The following CSMD1 variants were observed in gnomAD, a reference collection of about 807,000 sequenced individuals.
CSMD1 encodes CUB and Sushi multiple domains 1.
Under a neutral mutation model 417.5 loss-of-function variants are expected in CSMD1, and 213 were observed. The ratio of observed to expected loss-of-function variants is 0.51; its 90% CI spans 0.46 to 0.57. CSMD1 has a LOEUF of 0.57. Among genes scored for constraint, CSMD1 ranks in the 20% least tolerant of loss-of-function variants. CSMD1 has a pLI of 0.00. For missense variants in CSMD1, 6,923 were observed against 4,529.7 expected (o/e 1.53, Z -15.17); for synonymous variants, 2,862 against 1,736.8 (o/e 1.65, Z -16.11).
At chr8:4,954,736 G>C (rs1808975970) in intron 1 of CSMD1, among the ~76,000 whole-genome samples, 1 of 152,092 alleles carries the variant, frequency 6.6e-6, no homozygotes, top group African/African-American at 2.4e-5. Context: ...GCAGAGACTG[G>C]AGGATAAGAG....
intron 7 of CSMD1, among the ~76,000 whole-genome samples, chr8:3,625,128 C>T (rs1796434072): frequency 6.6e-6 from 1 of 151,886 alleles, no homozygotes. Flanking sequence ...CTAGCAGTAG[C>T]TGTTTTTTCT....
chr8:3,995,056 G>T (rs17068459), intron 5 of CSMD1, among the ~76,000 whole-genome samples: 3 of 152,128 alleles, frequency 2.0e-5, no homozygotes, highest in Admixed American at 6.5e-5. Flanking sequence ...CGGGAATGGG[G>T]AAACCTTTTA....
chr8:4,777,281 T>C (rs1796902508), intron 1 of CSMD1, among the ~76,000 whole-genome samples: 3 of 152,246 alleles, frequency 2.0e-5, no homozygotes, highest in South Asian at 4.2e-4. Context: ...AACAATTAAG[T>C]CTAATTGACT....
chr8:4,764,373 T>C (rs1371715133), intron 1 of CSMD1, among the ~76,000 whole-genome samples: 1 of 152,194 alleles, frequency 6.6e-6, no homozygotes, highest in Non-Finnish European at 1.5e-5. Context: ...GGAGCAATCA[T>C]GAGATTAATA....
At chr8:4,531,717 G>C (rs1563261811) in intron 2 of CSMD1, among the ~76,000 whole-genome samples, 2 of 152,134 alleles carry the variant, frequency 1.3e-5, no homozygotes, top group African/African-American at 2.4e-5. Context: ...TAACAGCTTT[G>C]AGATACAATT....
chr8:2,983,760 T>C (rs1805622641), intron 54 of CSMD1, among the ~76,000 whole-genome samples: 1 of 152,234 alleles, frequency 6.6e-6, no homozygotes, highest in African/African-American at 2.4e-5. Context: ...CCTAACTTCT[T>C]ATTTTTGTAG....
At chr8:3,871,391 T>C (rs1229697727) in intron 5 of CSMD1, among the ~76,000 whole-genome samples, 2 of 152,256 alleles carry the variant, frequency 1.3e-5, no homozygotes, top group East Asian at 1.9e-4. Flanking sequence ...AAAACTTGCA[T>C]TGGTTTCTTC....
intron 4 of CSMD1, among the ~76,000 whole-genome samples, chr8:4,016,043 T>C (rs1009636109): frequency 1.3e-5 from 2 of 152,142 alleles, no homozygotes; most frequent in Non-Finnish European, 2.9e-5. Flanking sequence ...ACATCTAAGC[T>C]CTCAGAGAAT....
chr8:4,732,117 C>G, intron 1 of CSMD1, among the ~76,000 whole-genome samples: 1 of 152,094 alleles, frequency 6.6e-6, no homozygotes, highest in East Asian at 1.9e-4. Flanking sequence ...TCACAGATGG[C>G]AAGTCTGAGA....
chr8:3,259,528 G>A (rs1252341357), intron 26 of CSMD1, among the ~76,000 whole-genome samples: 1 of 152,056 alleles, frequency 6.6e-6, no homozygotes, highest in Non-Finnish European at 1.5e-5. Context: ...GTCTGTAAGG[G>A]GTAGGTTATT....
intron 21 of CSMD1, among the ~76,000 whole-genome samples, chr8:3,354,240 TA>T (rs1808594824): frequency 6.6e-6 from 1 of 152,162 alleles, no homozygotes. Flanking sequence ...TCCACCTAAA[TA>T]ACCTCGAGCC....
intron 3 of CSMD1, among the ~76,000 whole-genome samples, chr8:4,349,299 A>G (rs1402174761): frequency 1.3e-5 from 2 of 152,136 alleles, no homozygotes; most frequent in Non-Finnish European, 2.9e-5. Context: ...GTGGAAAGCT[A>G]TTTTTCTACA....
intron 4 of CSMD1, among the ~76,000 whole-genome samples, chr8:4,008,236 C>G (rs1816281077): frequency 6.6e-6 from 1 of 152,026 alleles, no homozygotes; most frequent in Non-Finnish European, 1.5e-5. Context: ...TCAAGTTTAA[C>G]TTAAAAACCA....
chr8:4,139,955 C>T (rs1351222022), intron 3 of CSMD1, among the ~76,000 whole-genome samples: 1 of 136,042 alleles, frequency 7.4e-6, no homozygotes, highest in African/African-American at 2.5e-5. Context: ...GCAGCAAGGG[C>T]AGGTGAAACT....
intron 1 of CSMD1, among the ~76,000 whole-genome samples, chr8:4,709,546 G>C (rs1417972580): frequency 6.6e-6 from 1 of 152,228 alleles, no homozygotes; most frequent in African/African-American, 2.4e-5. Flanking sequence ...CTCGAGGCTG[G>C]AGCCTCTGTC....
chr8:4,841,911 C>CAAACAAAACAAAAAAAAAAAAA (rs779855887), intron 1 of CSMD1, among the ~76,000 whole-genome samples: 77 of 34,794 alleles, frequency 2.2e-3, no homozygotes, highest in East Asian at 4.9e-3. Flanking sequence ...AACTCCGTCT[C>CAAACAAAACAAAAAAAAAAAAA]AAAAAAAAAA....
chr8:3,903,039 G>C (rs1022123398), intron 5 of CSMD1, among the ~76,000 whole-genome samples: 1 of 152,072 alleles, frequency 6.6e-6, no homozygotes, highest in Non-Finnish European at 1.5e-5. Context: ...TTAAAGTAGC[G>C]TGTAGCTGAC....
intron 26 of CSMD1, among the ~76,000 whole-genome samples, chr8:3,270,661 C>A (rs998940719): frequency 1.3e-5 from 2 of 152,128 alleles, no homozygotes; most frequent in African/African-American, 4.8e-5. Flanking sequence ...TCTACAGTAT[C>A]AAGTACTTCT....
chr8:3,686,355 C>G (rs1250803103), intron 7 of CSMD1, among the ~76,000 whole-genome samples: 2 of 152,142 alleles, frequency 1.3e-5, no homozygotes, highest in African/African-American at 4.8e-5. Context: ...CTTGTCTTCA[C>G]TTTTCTAGGA....
Sources: gnomAD v4.1 joint callset for allele counts (sites outside exome capture counted in the v4.1 genomes callset) on GRCh38, gnomAD v4.1.1 for gene constraint, MANE v1.5 for transcripts, NCBI Gene and HGNC (gene_info 2026-07-23, HGNC 2026-07-21) for gene names.